DLG4: variants seen among roughly 807,000 people sequenced by gnomAD.
The protein encoded by DLG4 is discs large MAGUK scaffold protein 4, also known as disks large homolog 4.
A neutral mutation model predicts 93.8 loss-of-function variants in DLG4; 7 were observed. That is an observed-to-expected ratio of 0.07 (90% CI 0.04 to 0.14). The LOEUF is 0.14. Among genes scored for constraint, DLG4 ranks in the 10% least tolerant of loss-of-function variants. The pLI is 1.00. For synonymous variants in DLG4, 341 were observed against 387.6 expected, an observed-to-expected ratio of 0.88 and a Z score of 1.41; for missense variants, 545 against 992.9, an observed-to-expected ratio of 0.55 and a Z score of 6.06.
At chr17:7,219,353 G>A (rs2071077406), upstream of DLG4, 2 of 979,616 alleles carry the variant, frequency 2.0e-6, no homozygotes, top group Non-Finnish European at 2.5e-6. Flanking sequence ...TGTTCAGGAA[G>A]GTCTCAGAGG....
At chr17:7,197,500 TTTTGGG>T (rs1382819946) in intron 8 of DLG4, among the ~76,000 whole-genome samples, 1 of 149,822 alleles carries the variant, frequency 6.7e-6, no homozygotes, top group African/African-American at 2.5e-5. Context: ...TCTTTTGTTT[TTTTGGG>T]GTTTTTTTGA....
intron 8 of DLG4, among the ~76,000 whole-genome samples, chr17:7,202,054 A>C (rs1004426330): frequency 6.6e-6 from 1 of 152,102 alleles, no homozygotes; most frequent in African/African-American, 2.4e-5. Context: ...GGTGAATTTC[A>C]CCAAATGCCT....
upstream of DLG4, chr17:7,219,877 C>T (rs1247253915): frequency 5.2e-6 from 8 of 1,540,940 alleles, no homozygotes; most frequent in South Asian, 2.4e-5. Flanking sequence ...GTCCGCCGCC[C>T]GGTGCACTGT....
intron 2 of DLG4, among the ~76,000 whole-genome samples, chr17:7,206,548 G>C (rs1250569762): frequency 2.6e-5 from 4 of 152,014 alleles, no homozygotes; most frequent in Non-Finnish European, 5.9e-5. Flanking sequence ...CCCCTGCTCA[G>C]GGATTTAATG....
intron 1 of DLG4, among the ~76,000 whole-genome samples, chr17:7,212,529 C>T (rs2070749728): frequency 6.6e-6 from 1 of 152,198 alleles, no homozygotes; most frequent in South Asian, 2.1e-4. Context: ...TAATAAGATA[C>T]TCATGACTTC....
Position 7,193,506 on chromosome 17 carries a change from TC to T in DLG4, c.1669del (p.Asp557ThrfsTer19). 1 of 1,536,900 alleles carries T rather than the reference TC, an allele frequency of 6.5e-7. No individual in the cohort carries two copies. Among genetic ancestry groups the T allele is most frequent in the Non-Finnish European group, 8.7e-7 (1 of 1,148,834 alleles). On this transcript the variant is annotated frameshift_variant, in exon 16 of 20. Coordinates refer to ENST00000399506, the MANE Select transcript of DLG4 (RefSeq NM_001321075.3). LOFTEE classifies it high-confidence loss of function. The surrounding 1 kb of genome is among the most constrained non-coding windows in gnomAD (Gnocchi z 6.7). ...ANDDLLSEFP[D>X]KFGSCVPHTT... ...ACGGGGAACACAGGATCCAAACTTG[TC>T]GGGGAACTCGGAGAGAAGATCATCG...
chr17:7,218,918 A>G (rs1423116841), upstream of DLG4: 1 of 1,562,882 alleles, frequency 6.4e-7, no homozygotes, highest in East Asian at 2.2e-5. Context: ...TCCCCACTAA[A>G]TTCCAGCTGT....
rs1025977891 is a variant in DLG4 at position 7,191,848 on chromosome 17, C to T, written c.1976+45G>A. 2.3e-6 allele frequency: 3 copies of T among 1,331,868 alleles called. No individual in the cohort carries two copies. Among genetic ancestry groups the T allele is most frequent in the South Asian group, 1.8e-5 (1 of 55,308 alleles). The allele number at this position is 1,331,868 out of a possible 1,614,324, so 82.5% of individuals were successfully genotyped here. ...AGACGCCTTGTGAGGCCCAGGGCCA[C>T]AGGTGTTGGGGGAGCAAAGGGGAGG... On this transcript the variant is annotated intron_variant, in intron 18 of 19. Coordinates refer to ENST00000399506, the MANE Select transcript of DLG4 (RefSeq NM_001321075.3). The surrounding 1 kb of genome is among the most constrained non-coding windows in gnomAD (Gnocchi z 6.6).
rs778978732 is a variant in DLG4, at chr17:7,204,029, G to A, written c.189C>T (p.Tyr63=). 5 of 1,611,320 alleles carry A rather than the reference G, an allele frequency of 3.1e-6. No homozygotes were observed. Among genetic ancestry groups the A allele is most frequent in the South Asian group, 2.2e-5 (2 of 90,410 alleles). ...QVNGTEGEME[Y]EEITLERGNS... ...TCACCCTTTCCAATGTGATTTCCTC[G>A]TATTCCATCTCCCCCTCGGTCCCGT... Residue 63 remains tyrosine, a synonymous_variant, in exon 4 of 20, where the codon TAC becomes TAT. Coordinates refer to ENST00000399506, the MANE Select transcript of DLG4 (RefSeq NM_001321075.3).
At position 7,190,618 on chromosome 17, in the gene DLG4, C is replaced by A; in HGVS notation, c.*90G>T. The A allele has an allele frequency of 1.0e-6, 1 of 1,002,718 alleles. No individual in the cohort carries two copies. Among genetic ancestry groups the A allele is most frequent in the East Asian group, 2.4e-5 (1 of 40,968 alleles). The allele number at this position is 1,002,718 out of a possible 1,614,324, so 62.1% of individuals were successfully genotyped here. Reference sequence around the variant, plus strand: ...AAATAAGAAGGGGTGGGAGGGAGGCCGGGGGGAGCCAAGGGCTTGGGCAAT... The same window carrying A: ...AAATAAGAAGGGGTGGGAGGGAGGCAGGGGGGAGCCAAGGGCTTGGGCAAT... On this transcript the variant is annotated 3_prime_UTR_variant, in exon 20 of 20. Coordinates refer to ENST00000399506, the MANE Select transcript of DLG4 (RefSeq NM_001321075.3).
Position 7,194,637 on chromosome 17 carries a change from G to A in DLG4, c.1302-142C>T, listed in dbSNP as rs1382229064. The stretch of plus-strand genomic sequence containing the variant: ...TGCCGAGGAACCCAAAACTGTGTGG[G>A]GACCAAACGCTGACTATAACTCATA... On this transcript the variant is annotated intron_variant, in intron 11 of 19. Coordinates refer to ENST00000399506, the MANE Select transcript of DLG4 (RefSeq NM_001321075.3). The surrounding 1 kb of genome is among the most constrained non-coding windows in gnomAD (Gnocchi z 4.4). 17 of 794,620 alleles carry A rather than the reference G, an allele frequency of 2.1e-5. No homozygotes were observed. Among genetic ancestry groups the A allele is most frequent in the Non-Finnish European group, 3.1e-5 (16 of 509,352 alleles). The allele number at this position is 794,620 out of a possible 1,614,324, so 49.2% of individuals were successfully genotyped here. A position where few individuals can be genotyped will look rare whatever the true frequency, so the allele number is the denominator to read the frequency against.
Position 7,190,834 on chromosome 17 carries a change from G to T in DLG4, c.2069-20C>A. The T allele has an allele frequency of 6.2e-7, 1 of 1,608,050 alleles. No individual in the cohort carries two copies. The highest frequency in any genetic ancestry group is 8.5e-7 in the Non-Finnish European group (1 of 1,174,886). On this transcript the variant is annotated intron_variant, in intron 19 of 19. Transcript: ENST00000399506. Reference sequence around the variant, plus strand: ...CGATGGCTGGGAGTGGGGTGGAGCAGGGAGTGAGGCCAAGGAAGGGCCAGA... The same window carrying T: ...CGATGGCTGGGAGTGGGGTGGAGCATGGAGTGAGGCCAAGGAAGGGCCAGA...
upstream of DLG4, chr17:7,219,874 G>C: frequency 6.5e-7 from 1 of 1,540,198 alleles, no homozygotes; most frequent in Non-Finnish European, 8.7e-7. Context: ...ACCGTCCGCC[G>C]CCCGGTGCAC....
intron 1 of DLG4, among the ~76,000 whole-genome samples, chr17:7,216,060 G>A (rs1316255499): frequency 6.6e-6 from 1 of 150,678 alleles, no homozygotes; most frequent in East Asian, 1.9e-4. Context: ...TCCAACCAGA[G>A]GGACACTCTT....
At chr17:7,217,863 G>T, upstream of DLG4, 1 of 1,515,260 alleles carries the variant, frequency 6.6e-7, no homozygotes, top group South Asian at 1.2e-5. Context: ...TAGTTGGGCT[G>T]GGAGCACCCA....
chr17:7,217,071 C>T, intron 1 of DLG4, 47 bp downstream of exon 1: 1 of 1,260,730 alleles, frequency 7.9e-7, no homozygotes, highest in South Asian at 3.7e-5. Context: ...CCCCTCCCCA[C>T]AAACTCATAC....
At chr17:7,217,929 G>A, upstream of DLG4, 2 of 1,066,728 alleles carry the variant, frequency 1.9e-6, no homozygotes, top group Non-Finnish European at 2.7e-6. Flanking sequence ...GGTCGGGTGT[G>A]AGGGAGGAGC....
chr17:7,214,741 C>T (rs1174767243), intron 1 of DLG4, among the ~76,000 whole-genome samples: 2 of 152,098 alleles, frequency 1.3e-5, no homozygotes, highest in Non-Finnish European at 2.9e-5. Context: ...GGCAGCAGCG[C>T]GGGGAAAGGG....
chr17:7,203,698 C>T lies in DLG4; in HGVS notation c.329G>A (p.Arg110His). 3.7e-6 allele frequency: 6 copies of T among 1,613,960 alleles called. No individual in the cohort carries two copies. The highest frequency in any genetic ancestry group is 5.1e-6 in the Non-Finnish European group (6 of 1,179,870). ...IPGGAAAQDG[R>H]LRVNDSILFV... ...CCCTGTCTCCTCTCCCCACCTGAGG[C>T]GGCCATCCTGGGCCGCAGCCCCACC... Residue 110 changes from arginine to histidine, a missense_variant, in exon 5 of 20, where the codon CGC becomes CAC. Coordinates refer to ENST00000399506, the MANE Select transcript of DLG4 (RefSeq NM_001321075.3). This position sits in a 1 kb window ranked among gnomAD's most constrained non-coding sequence, Gnocchi z 7.2.
Sources: allele counts gnomAD v4.1 joint callset (sites outside exome capture counted in the v4.1 genomes callset), GRCh38; gene constraint gnomAD v4.1.1; non-coding constraint Gnocchi (gnomAD v3.1); transcripts MANE v1.5; gene names NCBI Gene and HGNC (gene_info 2026-07-23, HGNC 2026-07-21).